The following CRX variants were observed in gnomAD, a reference collection of about 807,000 sequenced individuals.
CRX encodes cone-rod homeobox protein.
Under a neutral mutation model 13.1 loss-of-function variants are expected in CRX, and 5 were observed. The ratio of observed to expected loss-of-function variants is 0.38; its 90% CI spans 0.20 to 0.80. The LOEUF (loss-of-function observed/expected upper bound fraction) is 0.80, where lower values mean the gene tolerates loss of function less well. Ranked by LOEUF, CRX falls within the 30% of genes least tolerant of loss-of-function variation. CRX has a pLI of 0.43. For missense variants in CRX, 351 were observed against 391.8 expected, an observed-to-expected ratio of 0.90 and a Z score of 0.88; for synonymous variants, 179 against 171.1, an observed-to-expected ratio of 1.05 and a Z score of -0.36.
At chr19:47,824,953 T>C (rs1490449428) in intron 1 of CRX, among the ~76,000 whole-genome samples, 2 of 150,798 alleles carry the variant, frequency 1.3e-5, no homozygotes, top group African/African-American at 4.9e-5. Flanking sequence ...TTTTTTTTTT[T>C]TCCTCCCCAG....
chr19:47,835,671 GAGTGC>G (rs1463871312), intron 2 of CRX, among the ~76,000 whole-genome samples: 1 of 145,640 alleles, frequency 6.9e-6, no homozygotes, highest in East Asian at 2.0e-4. Context: ...TACCAGGCTG[GAGTGC>G]AGTGGCATAA....
At chr19:47,834,373 GGTAA>G (rs2123738188) in intron 1 of CRX, 32 bp from the exon 2 acceptor site, 1 of 1,165,760 alleles carries the variant, frequency 8.6e-7, no homozygotes, top group Non-Finnish European at 1.3e-6. Context: ...GTGAGTAACT[GGTAA>G]GTGAGTGAGC....
At chr19:47,838,068 T>A (rs905773539) in intron 3 of CRX, among the ~76,000 whole-genome samples, 3 of 152,138 alleles carry the variant, frequency 2.0e-5, no homozygotes, top group African/African-American at 7.2e-5. Flanking sequence ...GCACATATGA[T>A]TAGATAGATT....
rs1172576080 is a variant in CRX, at chr19:47,836,238, C to T, written c.101-5C>T. On this transcript the variant is annotated splice_region_variant and splice_polypyrimidine_tract_variant and intron_variant, in intron 2 of 3. Coordinates refer to ENST00000221996, the MANE Select transcript of CRX (RefSeq NM_000554.6). ...CTGAGGGTCCTGTTTCCCATCCCACCCCAGGCGCCCCCAGGAAGCAGCGGC... is the reference window on the plus strand; with the variant it reads ...CTGAGGGTCCTGTTTCCCATCCCACTCCAGGCGCCCCCAGGAAGCAGCGGC... 6.2e-7 allele frequency: 1 copy of T among 1,614,150 alleles called. No homozygotes were observed. The highest frequency in any genetic ancestry group is 2.2e-5 in the East Asian group (1 of 44,874).
At chr19:47,824,650 G>A (rs1324724079) in intron 1 of CRX, among the ~76,000 whole-genome samples, 1 of 152,118 alleles carries the variant, frequency 6.6e-6, no homozygotes, top group Non-Finnish European at 1.5e-5. Flanking sequence ...CTCCCCCGCT[G>A]TAGAATGGAG....
chr19:47,827,448 A>G (rs1329463861), intron 1 of CRX, among the ~76,000 whole-genome samples: 8 of 150,178 alleles, frequency 5.3e-5, no homozygotes, highest in Non-Finnish European at 8.9e-5. Context: ...GATCCACACA[A>G]ATTCCTAGAT....
chr19:47,836,481 G>GAGATCACAGAGTGAC (rs2123740112), intron 3 of CRX, 87 bp downstream of exon 3: 2 of 1,555,620 alleles, frequency 1.3e-6, no homozygotes, highest in Non-Finnish European at 1.8e-6. Flanking sequence ...GGAGGAGGGA[G>GAGATCACAGAGTGAC]AGATCACAGA....
At chr19:47,832,515 G>A (rs1404501139) in intron 1 of CRX, among the ~76,000 whole-genome samples, 1 of 150,396 alleles carries the variant, frequency 6.6e-6, no homozygotes, top group African/African-American at 2.5e-5. Flanking sequence ...TTTTTGAGAC[G>A]GAGTCCGTAG....
chr19:47,831,212 C>T (rs1439884194), intron 1 of CRX, among the ~76,000 whole-genome samples: 2 of 145,516 alleles, frequency 1.4e-5, no homozygotes, highest in Non-Finnish European at 3.0e-5. Context: ...GAGGCTGAGG[C>T]AGGAGAATCG....
chr19:47,827,265 C>G (rs534138320), intron 1 of CRX, among the ~76,000 whole-genome samples: 1 of 152,198 alleles, frequency 6.6e-6, no homozygotes, highest in African/African-American at 2.4e-5. Context: ...GTTCTTTCTG[C>G]TTTTCTCCAT....
In CRX at chr19:47,839,626, A is replaced by G; in HGVS notation, c.559A>G (p.Thr187Ala). Reference sequence around the variant, plus strand: ...GCTGGTGGCCTCAGGGCCGTCTCTGACCTCCGCCCCCTATGCCATGACCTA... The same window carrying G: ...GCTGGTGGCCTCAGGGCCGTCTCTGGCCTCCGCCCCCTATGCCATGACCTA... ...AGLVASGPSL[T>A]SAPYAMTYAP... Residue 187 changes from threonine (T) to alanine (A), a missense_variant, in exon 4 of 4, where the codon ACC becomes GCC. Transcript: ENST00000221996. This position sits in a 1 kb window ranked among gnomAD's most constrained non-coding sequence, Gnocchi z 4.6. 1 of 1,612,322 alleles carries G rather than the reference A, an allele frequency of 6.2e-7. No homozygotes were observed. The highest frequency in any genetic ancestry group is 8.5e-7 in the Non-Finnish European group (1 of 1,179,682).
At chr19:47,823,649 G>GTTT (rs58548004) in intron 1 of CRX, among the ~76,000 whole-genome samples, 10,740 of 129,474 alleles carry the variant, frequency 0.083, 1,618 homozygotes, top group African/African-American at 0.29. Context: ...CATGAGTCTG[G>GTTT]TTTTTTTTTT....
In CRX at chr19:47,830,096, A is replaced by G. The variant is rs1043294684; in HGVS notation, c.-35-4313A>G. Among the ~76,000 whole-genome samples the G allele has an allele frequency of 1.5e-4, 23 of 150,110 alleles. 1 individual carries two copies. Among genetic ancestry groups the G allele is most frequent in the Admixed American group, 1.3e-3 (20 of 14,992 alleles). ...TATATGGTTTGGTCATATACAATAT[A>G]TAAAATAACATTCACAAACACTTAT... On this transcript the variant is annotated intron_variant, in intron 1 of 3. Transcript: ENST00000221996.
At chr19:47,828,367 G>A (rs1416709278) in intron 1 of CRX, among the ~76,000 whole-genome samples, 1 of 152,028 alleles carries the variant, frequency 6.6e-6, no homozygotes, top group Non-Finnish European at 1.5e-5. Context: ...CTCATGTGAG[G>A]GATGAGAAGG....
chr19:47,825,931 CAACAAA>C (rs1346953757), intron 1 of CRX, among the ~76,000 whole-genome samples: 1 of 152,048 alleles, frequency 6.6e-6, no homozygotes, highest in Non-Finnish European at 1.5e-5. Context: ...ATAACAACAA[CAACAAA>C]AACAAAAACC....
rs149039830 is a variant in CRX, at chr19:47,842,706, G to A, written c.*2739G>A. The A allele has an allele frequency of 6.2e-3, 948 of 152,326 alleles. 10 individuals are homozygous for A. The highest frequency in any genetic ancestry group is 0.01 in the Non-Finnish European group (697 of 68,082). The allele number at this position is 152,326 out of a possible 1,614,324, so 9.4% of individuals were successfully genotyped here. ...TGGGGGAGCTAGACAAAATTCACAC[G>A]GGAGGGGCAGGGATGAGACAATATT... is the stretch of plus-strand genomic sequence containing the variant. On this transcript the variant is annotated 3_prime_UTR_variant, in exon 4 of 4. Coordinates refer to ENST00000221996, the MANE Select transcript of CRX (RefSeq NM_000554.6).
At chr19:47,829,260 C>T (rs1218813084) in intron 1 of CRX, among the ~76,000 whole-genome samples, 1 of 152,036 alleles carries the variant, frequency 6.6e-6, no homozygotes, top group Non-Finnish European at 1.5e-5. Flanking sequence ...GGATTACAGG[C>T]ATGCACCACC....
intron 1 of CRX, among the ~76,000 whole-genome samples, chr19:47,827,016 G>A (rs889356421): frequency 1.3e-5 from 2 of 152,134 alleles, no homozygotes; most frequent in South Asian, 4.1e-4. Context: ...TCACAACATG[G>A]CGGCTGGCTT....
intron 1 of CRX, among the ~76,000 whole-genome samples, chr19:47,826,213 C>A (rs1362030082): frequency 6.6e-6 from 1 of 152,154 alleles, no homozygotes; most frequent in Non-Finnish European, 1.5e-5. Context: ...ATAGGACCTT[C>A]AGGAATTACT....
Sources: gnomAD v4.1 joint callset for allele counts (sites outside exome capture counted in the v4.1 genomes callset) on GRCh38, gnomAD v4.1.1 for gene constraint, Gnocchi (gnomAD v3.1) non-coding constraint, MANE v1.5 for transcripts, NCBI Gene and HGNC (gene_info 2026-07-23, HGNC 2026-07-21) for gene names.